Variants in CDH18 observed in about 807,000 individuals in gnomAD.
The protein encoded by CDH18 is cadherin-18.
A neutral mutation model predicts 67.9 loss-of-function variants in CDH18; 31 were observed. That is an observed-to-expected ratio of 0.46 (90% confidence interval 0.34 to 0.62). CDH18 has a LOEUF of 0.62. Among genes scored for constraint, CDH18 ranks in the 20% least tolerant of loss-of-function variants. The pLI is 0.01. For missense variants in CDH18, 890 were observed against 975.5 expected (o/e 0.91, Z 1.17); for synonymous variants, 362 against 347.2 (o/e 1.04, Z -0.48).
intron 1 of CDH18, among the ~76,000 whole-genome samples, chr5:20,366,740 C>T (rs1383818765): frequency 2.0e-5 from 3 of 152,112 alleles, no homozygotes; most frequent in Non-Finnish European, 4.4e-5. Context: ...TATTCAATTC[C>T]CGATACATAT....
chr5:20,497,506 T>C (rs1479278923), intron 1 of CDH18, among the ~76,000 whole-genome samples: 1 of 152,170 alleles, frequency 6.6e-6, no homozygotes, highest in Non-Finnish European at 1.5e-5. Flanking sequence ...AGCAATAGGC[T>C]GTACTATATA....
intron 1 of CDH18, among the ~76,000 whole-genome samples, chr5:20,279,699 C>CAAAAAAAAAAAAAAAAAAAAAAAAAAA (rs1189257278): frequency 7.4e-5 from 1 of 13,594 alleles, no homozygotes; most frequent in African/African-American, 2.6e-4. Context: ...AGCTCTGTCT[C>CAAAAAAAAAAAAAAAAAAAAAAAAAAA]AAAAAAAAAA....
At chr5:19,651,729 G>A (rs1412790016) in intron 5 of CDH18, among the ~76,000 whole-genome samples, 2 of 152,026 alleles carry the variant, frequency 1.3e-5, no homozygotes, top group Admixed American at 6.6e-5. Context: ...TTCATTTGAA[G>A]GGATAAATGT....
chr5:20,004,423 G>A (rs1294366152), intron 2 of CDH18, among the ~76,000 whole-genome samples: 1 of 152,116 alleles, frequency 6.6e-6, no homozygotes, highest in African/African-American at 2.4e-5. Context: ...CATAATTCTT[G>A]CATTCAGCCC....
chr5:20,043,973 T>A (rs538981744), intron 2 of CDH18, among the ~76,000 whole-genome samples: 1 of 152,168 alleles, frequency 6.6e-6, no homozygotes, highest in South Asian at 2.1e-4. Flanking sequence ...CATAAATACA[T>A]ATGCTCCTTC....
Position 20,405,437 on chromosome 5 carries a change from C to T in CDH18, c.-579-149932G>A, listed in dbSNP as rs558832067. On this transcript the variant is annotated intron_variant, in intron 1 of 14. Transcript: ENST00000507958. The stretch of plus-strand genomic sequence containing the variant: ...CTTACACCTTATACAAAAATTAATT[C>T]AAGATGGATTAAAAACTTAAATGTT... 3.3e-5 allele frequency among the ~76,000 whole-genome samples: 5 copies of T among 152,248 alleles called. No individual in the cohort carries two copies. The South Asian group carries it at 8.3e-4, about 25-fold the overall frequency.
intron 2 of CDH18, among the ~76,000 whole-genome samples, chr5:20,050,737 A>G (rs1457949409): frequency 6.6e-6 from 1 of 151,856 alleles, no homozygotes; most frequent in Non-Finnish European, 1.5e-5. Context: ...ATGTCAGTCA[A>G]GTAGAATAAT....
chr5:19,872,929 G>A (rs1214952179), intron 2 of CDH18, among the ~76,000 whole-genome samples: 1 of 152,100 alleles, frequency 6.6e-6, no homozygotes, highest in Admixed American at 6.6e-5. Context: ...AAAGATTTAA[G>A]AGTCTATCTA....
chr5:20,146,702 GTAATAAATGATAGAAA>G, intron 2 of CDH18, among the ~76,000 whole-genome samples: 1 of 151,666 alleles, frequency 6.6e-6, no homozygotes, highest in East Asian at 1.9e-4. Flanking sequence ...TTATCAAGTT[GTAATAAATGATAGAAA>G]TAACAAAGTA....
intron 2 of CDH18, among the ~76,000 whole-genome samples, chr5:20,015,837 C>T (rs186425882): frequency 5.0e-4 from 76 of 151,932 alleles, no homozygotes; most frequent in African/African-American, 1.6e-3. Flanking sequence ...GGAAAAAGGA[C>T]GGGAAAGCAA....
intron 2 of CDH18, among the ~76,000 whole-genome samples, chr5:19,935,221 T>A (rs1252414352): frequency 6.6e-6 from 1 of 151,220 alleles, no homozygotes; most frequent in African/African-American, 2.4e-5. Flanking sequence ...AACTTTACAT[T>A]TACTTGTCCC....
intron 2 of CDH18, among the ~76,000 whole-genome samples, chr5:20,139,581 T>A (rs1750056509): frequency 6.6e-6 from 1 of 152,140 alleles, no homozygotes; most frequent in Admixed American, 6.6e-5. Flanking sequence ...GACAAAGGGC[T>A]GATATCCAGA....
At chr5:19,651,787 T>A (rs1755619797) in intron 5 of CDH18, among the ~76,000 whole-genome samples, 2 of 152,088 alleles carry the variant, frequency 1.3e-5, no homozygotes. Flanking sequence ...GTCTAAATAA[T>A]CATTTTTTGA....
chr5:20,047,632 A>T (rs922781122), intron 2 of CDH18, among the ~76,000 whole-genome samples: 4 of 151,834 alleles, frequency 2.6e-5, no homozygotes, highest in Admixed American at 2.6e-4. Flanking sequence ...TAAGTTTGAA[A>T]AGTGCAATCT....
At chr5:19,873,108 GT>G (rs1363515073) in intron 2 of CDH18, among the ~76,000 whole-genome samples, 3 of 151,436 alleles carry the variant, frequency 2.0e-5, no homozygotes, top group Admixed American at 6.6e-5. Flanking sequence ...GGCTAGTTTT[GT>G]CAACCTAGGT....
chr5:19,604,346 A>C (rs957489678), intron 6 of CDH18, among the ~76,000 whole-genome samples: 2 of 152,072 alleles, frequency 1.3e-5, no homozygotes, highest in Non-Finnish European at 2.9e-5. Context: ...TATAGTATTT[A>C]CTTGAGAAAG....
intron 1 of CDH18, among the ~76,000 whole-genome samples, chr5:20,555,457 T>A (rs1757855156): frequency 8.3e-6 from 1 of 120,924 alleles, no homozygotes; most frequent in Non-Finnish European, 1.7e-5. Context: ...TTTTCTTTTT[T>A]CTTTGAGACA....
At position 19,757,400 on chromosome 5, in the gene CDH18, A is replaced by C. The variant is rs755378525; in HGVS notation, c.229-10164T>G. Among the ~76,000 whole-genome samples the C allele has an allele frequency of 3.3e-5, 5 of 152,298 alleles. No homozygotes were observed. The East Asian group carries it at 9.7e-4, about 29-fold the overall frequency. On this transcript the variant is annotated intron_variant, in intron 3 of 12. Transcript: ENST00000382275. ...CTCAGTGTTGGTCTCTGCTGCTGGC[A>C]AACTGGGCACTCAGCAGTGGCTGTA...
chr5:20,575,272 TA>T (rs10712709), intron 1 of CDH18, among the ~76,000 whole-genome samples: 27,867 of 152,062 alleles, frequency 0.18, 2,768 homozygotes, highest in Admixed American at 0.23. Context: ...TACCTGGAGA[TA>T]TTTTTTAAAT....
Sources: allele counts gnomAD v4.1 joint callset (sites outside exome capture counted in the v4.1 genomes callset), GRCh38; gene constraint gnomAD v4.1.1; transcripts MANE v1.5; gene names NCBI Gene and HGNC (gene_info 2026-07-23, HGNC 2026-07-21).